GEMIN5: variants seen among roughly 807,000 people sequenced by gnomAD.
GEMIN5 encodes the protein gem nuclear organelle associated protein 5.
A neutral mutation model predicts 176.9 loss-of-function variants in GEMIN5; 124 were observed. The ratio of observed to expected loss-of-function variants is 0.70; its 90% CI spans 0.61 to 0.81. The LOEUF is 0.81. Ranked by LOEUF, GEMIN5 falls within the 40% of genes least tolerant of loss-of-function variation. The probability of loss-of-function intolerance (pLI) is 0.00; values close to 1 mark genes in which losing one functional copy is unlikely to be tolerated. For synonymous variants in GEMIN5, 673 were observed against 665.2 expected, an observed-to-expected ratio of 1.01 and a Z score of -0.18; for missense variants, 1,843 against 1,814.6, an observed-to-expected ratio of 1.02 and a Z score of -0.28.
chr5:154,908,666 T>G (rs1763626583), intron 15 of GEMIN5, among the ~76,000 whole-genome samples: 1 of 152,244 alleles, frequency 6.6e-6, no homozygotes, highest in Non-Finnish European at 1.5e-5. Flanking sequence ...AATTTAGGTC[T>G]GCCAGATGTT....
intron 2 of GEMIN5, among the ~76,000 whole-genome samples, chr5:154,936,434 T>G (rs1325978790): frequency 2.5e-4 from 1 of 4,050 alleles, no homozygotes; most frequent in African/African-American, 9.2e-4. Flanking sequence ...AAAAAAAAAG[T>G]AATTAATACT....
At position 154,933,684 on chromosome 5, in the gene GEMIN5, AT is replaced by A. The variant is rs750378123; in HGVS notation, c.510-1435del. ...GAAGAACACCAGCACAGCTTTATTT[AT>A]TTTTTTTTTTTAAAAGAAACACTAG... On this transcript the variant is annotated intron_variant, in intron 3 of 27. Coordinates refer to ENST00000285873, the MANE Select transcript of GEMIN5 (RefSeq NM_015465.5). Among the ~76,000 whole-genome samples the A allele has an allele frequency of 1.2e-3, 182 of 150,280 alleles. 1 individual carries two copies. Among genetic ancestry groups the A allele is most frequent in the African/African-American group, 3.4e-3 (141 of 40,962 alleles).
intron 24 of GEMIN5, among the ~76,000 whole-genome samples, chr5:154,893,363 G>GA (rs1763280172): frequency 6.6e-6 from 1 of 151,332 alleles, no homozygotes; most frequent in South Asian, 2.1e-4. Flanking sequence ...CCGAGAGGCG[G>GA]AGGTTGCAGT....
At position 154,898,618 on chromosome 5, in the gene GEMIN5, G is replaced by A. The variant is rs1763405155; in HGVS notation, c.3167C>T (p.Ala1056Val). The A allele has an allele frequency of 6.2e-7, 1 of 1,613,852 alleles. No homozygotes were observed. The highest frequency in any genetic ancestry group is 1.3e-5 in the African/African-American group (1 of 74,898). ...ATCCCCCTTTTTGGCCAAAACTTTG[G>A]CTGCATCATAAGCACAAGTGGCCCC... ...YLGATCAYDA[A>V]KVLAKKGDAA... The change falls in exon 23 of 28, where the codon GCC becomes GTC. Residue 1056 changes from alanine to valine, a missense_variant. Physicochemically the swap from Ala to Val is moderately conservative, Grantham distance 64. Coordinates refer to ENST00000285873, the MANE Select transcript of GEMIN5 (RefSeq NM_015465.5).
intron 7 of GEMIN5, among the ~76,000 whole-genome samples, chr5:154,926,526 A>C (rs1267848427): frequency 6.6e-6 from 1 of 152,262 alleles, no homozygotes; most frequent in Non-Finnish European, 1.5e-5. Context: ...TTTAAGAGAC[A>C]GGCTTGGGAG....
At chr5:154,910,824 G>A (rs985670606) in intron 15 of GEMIN5, among the ~76,000 whole-genome samples, 2 of 152,050 alleles carry the variant, frequency 1.3e-5, no homozygotes, top group African/African-American at 4.8e-5. Flanking sequence ...TCAGCCTCCC[G>A]AGTAGCTGGG....
At chr5:154,936,751 A>T (rs1764277675) in intron 2 of GEMIN5, among the ~76,000 whole-genome samples, 3 of 152,208 alleles carry the variant, frequency 2.0e-5, no homozygotes, top group Non-Finnish European at 4.4e-5. Flanking sequence ...TGTAGCATGA[A>T]AGCAGTCATA....
In GEMIN5 at chr5:154,891,547, T is replaced by A. The variant is rs1320081844; in HGVS notation, c.3956A>T (p.Asp1319Val). The change falls in exon 26 of 28, where the codon GAC (aspartate) becomes GTC (valine). Residue 1319 changes from aspartate (D) to valine (V), a missense_variant. Physicochemically the swap from Asp to Val is radical, Grantham distance 152. Coordinates refer to ENST00000285873, the MANE Select transcript of GEMIN5 (RefSeq NM_015465.5). Reference sequence around the variant, plus strand: ...GTCCGTTTCTTCAGTGCTGGCAGTGTCTAACTGCTGGCTTGGCTCAACAGA... The same window carrying A: ...GTCCGTTTCTTCAGTGCTGGCAGTGACTAACTGCTGGCTTGGCTCAACAGA... ...TLSVEPSQQL[D>V]TASTEETDPE... The A allele has an allele frequency of 6.2e-7, 1 of 1,614,138 alleles. No homozygotes were observed. The highest frequency in any genetic ancestry group is 1.7e-5 in the Admixed American group (1 of 60,012).
intron 26 of GEMIN5, among the ~76,000 whole-genome samples, chr5:154,890,152 C>T (rs1763194937): frequency 6.6e-6 from 1 of 152,174 alleles, no homozygotes; most frequent in Non-Finnish European, 1.5e-5. Flanking sequence ...TGATAGTAGC[C>T]TAATGGCTAT....
At chr5:154,927,227 G>A (rs990014067) in intron 7 of GEMIN5, among the ~76,000 whole-genome samples, 158 bp downstream of exon 7, 1 of 152,160 alleles carries the variant, frequency 6.6e-6, no homozygotes, top group African/African-American at 2.4e-5. Context: ...TTACATGTGA[G>A]CTATTGATAT....
intron 7 of GEMIN5, among the ~76,000 whole-genome samples, chr5:154,926,742 C>T (rs1380298319): frequency 2.0e-5 from 3 of 152,148 alleles, no homozygotes; most frequent in African/African-American, 4.8e-5. Flanking sequence ...TCTTGGGCCA[C>T]ACAAAAAGTA....
chr5:154,905,700 GTTTTTTT>G (rs112942279), intron 16 of GEMIN5, among the ~76,000 whole-genome samples: 2 of 139,054 alleles, frequency 1.4e-5, no homozygotes, highest in African/African-American at 5.3e-5. Flanking sequence ...TATTACTTTG[GTTTTTTT>G]TTTTTTTTTG....
At chr5:154,901,991 G>C (rs1763476010) in intron 20 of GEMIN5, among the ~76,000 whole-genome samples, 1 of 152,126 alleles carries the variant, frequency 6.6e-6, no homozygotes, top group East Asian at 1.9e-4. Flanking sequence ...TTGTAGAGAT[G>C]GGCTTTTGCC....
intron 24 of GEMIN5, among the ~76,000 whole-genome samples, chr5:154,894,293 G>C (rs1226392913): frequency 2.0e-5 from 3 of 152,110 alleles, no homozygotes; most frequent in Non-Finnish European, 2.9e-5. Flanking sequence ...ACACAACACA[G>C]TTTGCATATC....
chr5:154,889,291 C>T (rs1763176347), intron 27 of GEMIN5, 30 bp downstream of exon 27: 1 of 1,141,924 alleles, frequency 8.8e-7, no homozygotes. Context: ...AAAAGTGATG[C>T]TTTACCAAAT....
In GEMIN5 at chr5:154,932,255, A is replaced by C. The variant is rs778604742; in HGVS notation, c.510-5T>G. On this transcript the variant is annotated splice_region_variant and splice_polypyrimidine_tract_variant and intron_variant, in intron 3 of 27. Transcript: ENST00000285873. ...ACCACTATGCCATCCTTGTAGCTAAAAAACAAGAGTTAGAAATATTACTAA... is the reference window on the plus strand; with the variant it reads ...ACCACTATGCCATCCTTGTAGCTAACAAACAAGAGTTAGAAATATTACTAA... 6.3e-7 allele frequency: 1 copy of C among 1,596,928 alleles called. No homozygotes were observed. The highest frequency in any genetic ancestry group is 1.1e-5 in the South Asian group (1 of 89,716).
rs1763986133 is a variant in GEMIN5, at chr5:154,924,472, T to C, written c.1376A>G (p.Asn459Ser). 5 of 1,599,308 alleles carry C rather than the reference T, an allele frequency of 3.1e-6. No individual in the cohort carries two copies. Among genetic ancestry groups the C allele is most frequent in the South Asian group, 1.1e-5 (1 of 90,528 alleles). ...GKVGLYDTYSNKPPQISSTYH... is the reference protein window; with the variant it reads ...GKVGLYDTYSSKPPQISSTYH... ...AGAAGAATCACCCATTTCTTACTTG[T>C]TGGAGTAGGTGTCATACAATCCCAC... is the stretch of plus-strand genomic sequence containing the variant. Residue 459 changes from asparagine to serine, a missense_variant, in exon 9 of 28, where the codon AAC becomes AGC. Coordinates refer to ENST00000285873, the MANE Select transcript of GEMIN5 (RefSeq NM_015465.5).
chr5:154,887,441 T>A lies in GEMIN5; in HGVS notation c.*769A>T, dbSNP rs1306447520. 6.6e-6 allele frequency: 1 copy of A among 152,256 alleles called. No homozygotes were observed. Among genetic ancestry groups the A allele is most frequent in the Non-Finnish European group, 1.5e-5 (1 of 68,052 alleles). The allele number at this position is 152,256 out of a possible 1,614,324, so 9.4% of individuals were successfully genotyped here. ...CTCCAAAGAGTATCTTTGGCTTTAA[T>A]CTGATTCTCAAAAGGATCCTATGAT... On this transcript the variant is annotated 3_prime_UTR_variant, in exon 28 of 28. Transcript: ENST00000285873.
intron 11 of GEMIN5, among the ~76,000 whole-genome samples, 164 bp downstream of exon 11, chr5:154,919,803 G>A (rs1188851054): frequency 6.6e-6 from 1 of 152,060 alleles, no homozygotes; most frequent in African/African-American, 2.4e-5. Context: ...AGACTCCTAA[G>A]ATATATAACT....
Sources: gnomAD v4.1 joint callset for allele counts (sites outside exome capture counted in the v4.1 genomes callset) on GRCh38, gnomAD v4.1.1 for gene constraint, MANE v1.5 for transcripts, NCBI Gene and HGNC (gene_info 2026-07-23, HGNC 2026-07-21) for gene names.